The following GAD1 variants were observed in gnomAD, a reference collection of about 807,000 sequenced individuals.
The protein encoded by GAD1 is glutamate decarboxylase 1.
Under a neutral mutation model 75.2 loss-of-function variants are expected in GAD1, and 35 were observed. The ratio of observed to expected loss-of-function variants is 0.47; its 90% CI spans 0.36 to 0.62. GAD1 has a LOEUF of 0.62. Ranked by LOEUF, GAD1 falls within the 20% of genes least tolerant of loss-of-function variation. The pLI is 0.00. For missense variants in GAD1, 490 were observed against 758.5 expected, an observed-to-expected ratio of 0.65 and a Z score of 4.16; for synonymous variants, 257 against 271.9, an observed-to-expected ratio of 0.95 and a Z score of 0.54.
Position 170,847,676 on chromosome 2 carries a change from G to T in GAD1, c.1003G>T (p.Gly335Ter). ...AGCCTATATCTGTCTTACCTTGTAGGGATATGTTCCCTTTTATGTCAATGC... is the reference window on the plus strand; with the variant it reads ...AGCCTATATCTGTCTTACCTTGTAGTGATATGTTCCCTTTTATGTCAATGC... ...EAKILEAKQKGYVPFYVNATA... is the reference protein window; with the variant it reads ...EAKILEAKQK The change falls in exon 11 of 17, where the codon GGA becomes TGA. Residue 335 changes from glycine (G) to a stop codon, truncating the protein, a stop_gained and splice_region_variant. Coordinates refer to ENST00000358196, the MANE Select transcript of GAD1 (RefSeq NM_000817.3). LOFTEE classifies it high-confidence loss of function. 1 of 1,600,462 alleles carries T rather than the reference G, an allele frequency of 6.2e-7. No homozygotes were observed. The highest frequency in any genetic ancestry group is 1.1e-5 in the South Asian group (1 of 90,788).
At chr2:170,839,765 TC>T (rs1306921968) in intron 6 of GAD1, among the ~76,000 whole-genome samples, 1 of 152,142 alleles carries the variant, frequency 6.6e-6, no homozygotes, top group East Asian at 1.9e-4. Flanking sequence ...GCTCTTTTCT[TC>T]CAGAACAGGG....
intron 7 of GAD1, among the ~76,000 whole-genome samples, chr2:170,844,493 C>T (rs1398836007): frequency 6.7e-6 from 1 of 149,842 alleles, no homozygotes; most frequent in Non-Finnish European, 1.5e-5. Context: ...ACTGCAGCCT[C>T]GAACTCCTGG....
chr2:170,814,371 G>C (rs1470870061), upstream of GAD1, among the ~76,000 whole-genome samples: 1 of 152,204 alleles, frequency 6.6e-6, no homozygotes, highest in African/African-American at 2.4e-5. Flanking sequence ...TGTCCTTCGT[G>C]CTGAAAGATC....
At chr2:170,837,868 T>C (rs1702414347) in intron 6 of GAD1, among the ~76,000 whole-genome samples, 2 of 152,200 alleles carry the variant, frequency 1.3e-5, no homozygotes. Flanking sequence ...TTGCTTAAAA[T>C]GAGAAAATCC....
intron 5 of GAD1, among the ~76,000 whole-genome samples, chr2:170,833,385 G>C (rs1203617210): frequency 6.6e-6 from 1 of 152,164 alleles, no homozygotes; most frequent in African/African-American, 2.4e-5. Context: ...TATGTTGTTT[G>C]ATTTTTAAAG....
At chr2:170,814,337 C>G (rs1344810974), upstream of GAD1, among the ~76,000 whole-genome samples, 2 of 152,138 alleles carry the variant, frequency 1.3e-5, no homozygotes, top group African/African-American at 4.8e-5. Flanking sequence ...GAAACAGAGG[C>G]ATGGGGACCA....
At chr2:170,836,756 C>A in intron 5 of GAD1, 37 bp from the exon 6 acceptor site, 1 of 1,487,850 alleles carries the variant, frequency 6.7e-7, no homozygotes, top group South Asian at 1.1e-5. Context: ...GTTGAGAAAT[C>A]TGCATTTGCC....
chr2:170,854,330 A>G (rs540038719), intron 14 of GAD1, among the ~76,000 whole-genome samples: 110 of 152,026 alleles, frequency 7.2e-4, no homozygotes, highest in African/African-American at 2.5e-3. Flanking sequence ...GGAATTATTT[A>G]GTGCAGGCAT....
intron 5 of GAD1, among the ~76,000 whole-genome samples, chr2:170,834,207 C>A (rs540640999): frequency 6.6e-6 from 1 of 152,144 alleles, no homozygotes. Flanking sequence ...CTGATAAAAG[C>A]ATGCTGTTGC....
chr2:170,846,303 C>T (rs1443461444), intron 10 of GAD1, among the ~76,000 whole-genome samples: 2 of 152,132 alleles, frequency 1.3e-5, no homozygotes, highest in Non-Finnish European at 2.9e-5. Context: ...CTTCATTGTG[C>T]CAAGTGATTG....
chr2:170,839,679 ATTC>A (rs61647058), intron 6 of GAD1, among the ~76,000 whole-genome samples: 8,103 of 149,394 alleles, frequency 0.054, 439 homozygotes, highest in East Asian at 0.24. Flanking sequence ...TGTGCAGTAT[ATTC>A]TTCTTCTAAG....
At chr2:170,815,655 C>T (rs1056093902), upstream of GAD1, among the ~76,000 whole-genome samples, 1 of 152,140 alleles carries the variant, frequency 6.6e-6, no homozygotes, top group African/African-American at 2.4e-5. Context: ...ACGGTAAATA[C>T]CAGTAAAGGA....
chr2:170,818,391 AGGC>A lies in GAD1; in HGVS notation c.-63-137_-63-135del. On this transcript the variant is annotated intron_variant, in intron 1 of 16. Transcript: ENST00000358196. This position sits in a 1 kb window ranked among gnomAD's most constrained non-coding sequence, Gnocchi z 5.9. ...CCACCCCTGCGCACCCCTACCAGGC[AGGC>A]TCGCTGCCTTTCCTCCCTCTTGTCT... The A allele has an allele frequency of 1.6e-6, 1 of 618,686 alleles. No individual in the cohort carries two copies. Among genetic ancestry groups the A allele is most frequent in the East Asian group, 2.8e-5 (1 of 36,234 alleles). 38.3% of individuals were successfully genotyped at this position (618,686 alleles called of 1,614,324 possible).
intron 14 of GAD1, among the ~76,000 whole-genome samples, chr2:170,855,211 T>G (rs983100149): frequency 2.3e-5 from 3 of 131,576 alleles, no homozygotes; most frequent in Non-Finnish European, 4.8e-5. Context: ...CATTTTGTCT[T>G]TTTTTTTTTT....
chr2:170,845,878 C>A, intron 9 of GAD1, 93 bp downstream of exon 9: 1 of 1,445,782 alleles, frequency 6.9e-7, no homozygotes, highest in Non-Finnish European at 9.7e-7. Context: ...TGGCTCAGTA[C>A]ATTGTGCCAA....
At chr2:170,817,771 G>A (rs1213450056) in intron 1 of GAD1, 2 of 152,456 alleles carry the variant, frequency 1.3e-5, no homozygotes, top group African/African-American at 4.8e-5. Flanking sequence ...AGGGGGCTAG[G>A]TAGAGGAGAA....
chr2:170,845,294 G>A, intron 7 of GAD1: 1 of 620,642 alleles, frequency 1.6e-6, no homozygotes, highest in Non-Finnish European at 2.9e-6. Flanking sequence ...AAATTGCCTA[G>A]ATAGCTTTGG....
At position 170,818,396 on chromosome 2, in the gene GAD1, C is replaced by T. The variant is rs951972271; in HGVS notation, c.-63-133C>T. ...CCTGCGCACCCCTACCAGGCAGGCT[C>T]GCTGCCTTTCCTCCCTCTTGTCTCT... On this transcript the variant is annotated intron_variant, in intron 1 of 16. Coordinates refer to ENST00000358196, the MANE Select transcript of GAD1 (RefSeq NM_000817.3). The surrounding 1 kb of genome is among the most constrained non-coding windows in gnomAD (Gnocchi z 5.9). 1.6e-5 allele frequency: 10 copies of T among 626,794 alleles called. No individual in the cohort carries two copies. The highest frequency in any genetic ancestry group is 2.6e-5 in the Non-Finnish European group (9 of 346,668). The allele number at this position is 626,794 out of a possible 1,614,324, so 38.8% of individuals were successfully genotyped here. A position where few individuals can be genotyped will look rare whatever the true frequency, so the allele number is the denominator to read the frequency against.
intron 5 of GAD1, among the ~76,000 whole-genome samples, chr2:170,836,111 CTTT>C (rs767548786): frequency 7.1e-6 from 1 of 141,212 alleles, no homozygotes. Flanking sequence ...GGTTGTTTTT[CTTT>C]TTTTTTTTTT....
Sources: allele counts gnomAD v4.1 joint callset (sites outside exome capture counted in the v4.1 genomes callset), GRCh38; gene constraint gnomAD v4.1.1; non-coding constraint Gnocchi (gnomAD v3.1); transcripts MANE v1.5; gene names NCBI Gene and HGNC (gene_info 2026-07-23, HGNC 2026-07-21).